The following WDR19 variants were observed in gnomAD, a reference collection of about 807,000 sequenced individuals.
The protein encoded by WDR19 is WD repeat-containing protein 19.
WDR19 carries 121 observed loss-of-function variants against 180.0 expected under a neutral mutation model. That is an observed-to-expected ratio of 0.67 (90% CI 0.58 to 0.78). The LOEUF (loss-of-function observed/expected upper bound fraction) is 0.78, where lower values mean the gene tolerates loss of function less well. WDR19 is among the 30% of genes least tolerant of loss of function. The pLI is 0.00. For missense variants in WDR19, 1,450 were observed against 1,640.7 expected (o/e 0.88, Z 2.01); for synonymous variants, 497 against 540.7 (o/e 0.92, Z 1.12).
chr4:39,272,345 T>G (rs1196864447), intron 31 of WDR19, among the ~76,000 whole-genome samples: 1 of 152,074 alleles, frequency 6.6e-6, no homozygotes, highest in East Asian at 1.9e-4. Flanking sequence ...GCCCCAAGGG[T>G]TGGCATCATT....
intron 26 of WDR19, among the ~76,000 whole-genome samples, 152 bp downstream of exon 26, chr4:39,254,182 A>G (rs1372870169): frequency 6.6e-6 from 1 of 152,150 alleles, no homozygotes; most frequent in Non-Finnish European, 1.5e-5. Context: ...TATCTATGTT[A>G]TGTGTTGGAT....
intron 33 of WDR19, chr4:39,275,358 A>C: frequency 3.6e-6 from 1 of 274,054 alleles, no homozygotes; most frequent in Non-Finnish European, 7.2e-6. Flanking sequence ...AAAAAAAAAG[A>C]TGGGCATATC....
At chr4:39,279,946 G>A (rs997089769) in intron 36 of WDR19, among the ~76,000 whole-genome samples, 2 of 151,626 alleles carry the variant, frequency 1.3e-5, no homozygotes, top group African/African-American at 2.4e-5. Flanking sequence ...CATGCGATTC[G>A]CCGGCCTCAG....
Position 39,253,963 on chromosome 4 carries a change from A to G in WDR19, c.2934A>G (p.Lys978=), listed in dbSNP as rs1290822371. ...GSAIQFLVMS[K]CNNEAFTLAQ... ...CCATCCAGTTTCTTGTCATGTCCAAATGCAACAATGAAGCTTTCACACTGG... is the reference window on the plus strand; with the variant it reads ...CCATCCAGTTTCTTGTCATGTCCAAGTGCAACAATGAAGCTTTCACACTGG... The change falls in exon 26 of 37, where the codon AAA becomes AAG. Residue 978 remains lysine (K), a synonymous_variant. Coordinates refer to ENST00000399820, the MANE Select transcript of WDR19 (RefSeq NM_025132.4). 6.2e-7 allele frequency: 1 copy of G among 1,612,100 alleles called. No homozygotes were observed. The highest frequency in any genetic ancestry group is 8.5e-7 in the Non-Finnish European group (1 of 1,178,568).
At chr4:39,204,942 G>A (rs1488196514) in intron 7 of WDR19, among the ~76,000 whole-genome samples, 1 of 152,196 alleles carries the variant, frequency 6.6e-6, no homozygotes, top group African/African-American at 2.4e-5. Flanking sequence ...ATATTTCAAA[G>A]GGTATATTGA....
At chr4:39,211,983 G>GT (rs1728588376) in intron 9 of WDR19, among the ~76,000 whole-genome samples, 1 of 144,496 alleles carries the variant, frequency 6.9e-6, no homozygotes, top group Non-Finnish European at 1.5e-5. Context: ...GAGAGAGAGA[G>GT]AGATAGATAG....
intron 6 of WDR19, 46 bp downstream of exon 6, chr4:39,199,639 C>A (rs1162233802): frequency 4.1e-6 from 6 of 1,465,922 alleles, no homozygotes; most frequent in Non-Finnish European, 5.7e-6. Context: ...AAGCTTTCCC[C>A]CCAAATAAAT....
chr4:39,201,722 G>C (rs2109289952), intron 6 of WDR19, among the ~76,000 whole-genome samples: 1 of 152,208 alleles, frequency 6.6e-6, no homozygotes, highest in South Asian at 2.1e-4. Context: ...CCAATAGATA[G>C]TGGATTTTTT....
chr4:39,255,266 C>A (rs971565647), intron 26 of WDR19, among the ~76,000 whole-genome samples: 14 of 152,134 alleles, frequency 9.2e-5, no homozygotes, highest in Non-Finnish European at 1.6e-4. Context: ...ACCTTCAAAA[C>A]ACACACATAC....
intron 28 of WDR19, among the ~76,000 whole-genome samples, chr4:39,259,850 G>A (rs6828598): frequency 0.34 from 51,695 of 152,062 alleles, 8,947 homozygotes; most frequent in African/African-American, 0.39. Context: ...CAGGCACTGT[G>A]TGAGGGTTCC....
chr4:39,188,736 A>G (rs1725835223), intron 3 of WDR19, among the ~76,000 whole-genome samples: 1 of 151,526 alleles, frequency 6.6e-6, no homozygotes. Context: ...CACTCAATTT[A>G]TCTAGCTATA....
At chr4:39,197,425 C>CAAAAAAAAAAAAAAA (rs11343008) in intron 5 of WDR19, among the ~76,000 whole-genome samples, 2 of 113,338 alleles carry the variant, frequency 1.8e-5, no homozygotes, top group African/African-American at 7.0e-5. Flanking sequence ...GACTCTATCT[C>CAAAAAAAAAAAAAAA]AAAAAAAAAA....
intron 20 of WDR19, among the ~76,000 whole-genome samples, chr4:39,235,593 A>G (rs963936847): frequency 2.4e-4 from 36 of 152,302 alleles, no homozygotes; most frequent in East Asian, 1.7e-3. Flanking sequence ...TACATTTTCT[A>G]TTTGCTTAGA....
At chr4:39,281,789 A>C (rs1185493876) in intron 36 of WDR19, among the ~76,000 whole-genome samples, 1 of 152,164 alleles carries the variant, frequency 6.6e-6, no homozygotes, top group Non-Finnish European at 1.5e-5. Flanking sequence ...TCAAGGCGAT[A>C]ATCATCGTGT....
At chr4:39,213,045 C>T (rs1333217194) in intron 9 of WDR19, among the ~76,000 whole-genome samples, 1 of 152,110 alleles carries the variant, frequency 6.6e-6, no homozygotes, top group African/African-American at 2.4e-5. Flanking sequence ...TATTACTACC[C>T]ATCTATTAGA....
In WDR19 at chr4:39,214,682, T is replaced by C; in HGVS notation, c.961+11T>C. The C allele has an allele frequency of 6.6e-7, 1 of 1,522,694 alleles. No homozygotes were observed. The highest frequency in any genetic ancestry group is 9.1e-7 in the Non-Finnish European group (1 of 1,103,040). 94.3% of individuals were successfully genotyped at this position (1,522,694 alleles called of 1,614,324 possible). A position where few individuals can be genotyped will look rare whatever the true frequency, so the allele number is the denominator to read the frequency against. On this transcript the variant is annotated intron_variant, in intron 10 of 36. Coordinates refer to ENST00000399820, the MANE Select transcript of WDR19 (RefSeq NM_025132.4). The stretch of plus-strand genomic sequence containing the variant: ...ATGAGGAAAATAAAGGTATTGATTT[T>C]TCTGAAGCAGATTGACATTTTATCA...
intron 15 of WDR19, among the ~76,000 whole-genome samples, chr4:39,226,174 G>T (rs545882646): frequency 1.3e-5 from 2 of 152,298 alleles, no homozygotes; most frequent in Admixed American, 1.3e-4. Flanking sequence ...GGTAAATCAG[G>T]TATCTGTCAG....
intron 24 of WDR19, among the ~76,000 whole-genome samples, chr4:39,249,153 C>T (rs1732858577): frequency 6.6e-6 from 1 of 150,988 alleles, no homozygotes; most frequent in Non-Finnish European, 1.5e-5. Flanking sequence ...TCTCTCAGAC[C>T]ACAGTGCAAT....
chr4:39,283,631 A>C (rs960191367), intron 36 of WDR19, among the ~76,000 whole-genome samples: 4 of 152,118 alleles, frequency 2.6e-5, no homozygotes, highest in Non-Finnish European at 5.9e-5. Context: ...ACATATGTAC[A>C]CATTATAAAT....
Sources: allele counts gnomAD v4.1 joint callset (sites outside exome capture counted in the v4.1 genomes callset), GRCh38; gene constraint gnomAD v4.1.1; transcripts MANE v1.5; gene names NCBI Gene and HGNC (gene_info 2026-07-23, HGNC 2026-07-21).